SHANK2: variants seen among roughly 807,000 people sequenced by gnomAD.
The protein encoded by SHANK2 is SH3 and multiple ankyrin repeat domains 2.
SHANK2 carries 43 observed loss-of-function variants against 133.7 expected under a neutral mutation model. That is an observed-to-expected ratio of 0.32 (90% CI 0.25 to 0.41). The LOEUF is 0.41. Among genes scored for constraint, SHANK2 ranks in the 10% least tolerant of loss-of-function variants. SHANK2 has a pLI of 1.00. For synonymous variants in SHANK2, 1,017 were observed against 952.8 expected (o/e 1.07, Z -1.24); for missense variants, 1,994 against 2,235.8 (o/e 0.89, Z 2.18).
intron 6 of SHANK2, among the ~76,000 whole-genome samples, chr11:71,104,560 C>A (rs1565453371): frequency 6.6e-6 from 1 of 152,164 alleles, no homozygotes; most frequent in South Asian, 2.1e-4. Context: ...TTAGCTTGTC[C>A]CCACTGATAC....
intron 14 of SHANK2, among the ~76,000 whole-genome samples, chr11:70,731,718 T>G (rs1591794896): frequency 6.6e-6 from 1 of 152,248 alleles, no homozygotes. Flanking sequence ...TGAACATCTG[T>G]GCACAGGGAC....
intron 11 of SHANK2, among the ~76,000 whole-genome samples, chr11:70,827,360 T>A (rs1321098173): frequency 6.6e-6 from 1 of 151,786 alleles, no homozygotes; most frequent in African/African-American, 2.4e-5. Context: ...AAGCGAGCTC[T>A]TCAGGGTCAC....
chr11:71,076,325 C>A (rs892085661), intron 8 of SHANK2, among the ~76,000 whole-genome samples: 2 of 151,962 alleles, frequency 1.3e-5, no homozygotes, highest in African/African-American at 4.8e-5. Context: ...CCATGGTAGC[C>A]CAGGAAGGGG....
intron 3 of SHANK2, among the ~76,000 whole-genome samples, chr11:71,136,766 T>C (rs1952447410): frequency 6.6e-6 from 1 of 152,102 alleles, no homozygotes; most frequent in South Asian, 2.1e-4. Flanking sequence ...GGGGTGGGGA[T>C]CCACTGCAAC....
At chr11:70,949,217 C>T (rs145117220) in intron 10 of SHANK2, among the ~76,000 whole-genome samples, 2 of 152,346 alleles carry the variant, frequency 1.3e-5, no homozygotes, top group Non-Finnish European at 2.9e-5. Flanking sequence ...AGCTGATACT[C>T]CCTCATTCAG....
intron 11 of SHANK2, among the ~76,000 whole-genome samples, chr11:70,860,404 C>A (rs1234410016): frequency 6.6e-6 from 1 of 152,150 alleles, no homozygotes; most frequent in African/African-American, 2.4e-5. Context: ...TTATGTAACC[C>A]CAAGAAAGAA....
intron 2 of SHANK2, among the ~76,000 whole-genome samples, chr11:71,166,565 C>T (rs1468659146): frequency 6.6e-6 from 1 of 150,740 alleles, no homozygotes; most frequent in Non-Finnish European, 1.5e-5. Flanking sequence ...ATTGCAACCT[C>T]CACCTCCCAA....
chr11:71,072,478 G>C (rs1297593446), intron 9 of SHANK2, among the ~76,000 whole-genome samples: 1 of 152,186 alleles, frequency 6.6e-6, no homozygotes, highest in Non-Finnish European at 1.5e-5. Flanking sequence ...TCTCACACTT[G>C]GTCTTACAGG....
intron 17 of SHANK2, among the ~76,000 whole-genome samples, chr11:70,534,654 G>A (rs1041352889): frequency 5.9e-5 from 9 of 152,186 alleles, no homozygotes; most frequent in Non-Finnish European, 8.8e-5. Context: ...ATGCCAGCTG[G>A]ATGAAAGAAT....
chr11:70,606,299 C>T lies in SHANK2; in HGVS notation c.2061+53529G>A, dbSNP rs570930198. 3.4e-4 allele frequency among the ~76,000 whole-genome samples: 52 copies of T among 152,172 alleles called. No homozygotes were observed. The South Asian group carries it at 0.01, about 30-fold the overall frequency. Reference sequence around the variant, plus strand: ...AGGCTTGGTTGCTCCTGCCTTTGATCCCAATGCTATGGGAGGCTGAGGTGG... The same window carrying T: ...AGGCTTGGTTGCTCCTGCCTTTGATTCCAATGCTATGGGAGGCTGAGGTGG... On this transcript the variant is annotated intron_variant, in intron 17 of 25. Coordinates refer to ENST00000601538, the MANE Select transcript of SHANK2 (RefSeq NM_012309.5).
chr11:70,716,328 G>A (rs1469877572), intron 14 of SHANK2, among the ~76,000 whole-genome samples: 23 of 152,246 alleles, frequency 1.5e-4, no homozygotes, highest in Admixed American at 1.4e-3. Context: ...AGCAGAGCCT[G>A]GATTTAAATC....
chr11:70,577,572 C>T (rs1208887558), intron 17 of SHANK2, among the ~76,000 whole-genome samples: 2 of 152,226 alleles, frequency 1.3e-5, no homozygotes, highest in Non-Finnish European at 2.9e-5. Context: ...ACTCCTTTTG[C>T]AGGGGAATCA....
intron 2 of SHANK2, among the ~76,000 whole-genome samples, chr11:71,198,800 G>C (rs536258295): frequency 2.8e-4 from 42 of 152,322 alleles, no homozygotes; most frequent in African/African-American, 9.9e-4. Context: ...GTTGTGAGGC[G>C]GCGGGGTCTT....
At chr11:70,651,357 C>T (rs17203005) in intron 17 of SHANK2, among the ~76,000 whole-genome samples, 6,923 of 152,260 alleles carry the variant, frequency 0.045, 198 homozygotes, top group Middle Eastern at 0.071. Flanking sequence ...ATTCCTGGGC[C>T]ACTCCTCAGC....
intron 11 of SHANK2, among the ~76,000 whole-genome samples, chr11:70,888,984 T>C (rs535168813): frequency 6.6e-6 from 1 of 152,186 alleles, no homozygotes; most frequent in East Asian, 1.9e-4. Flanking sequence ...CTTGAAGAGG[T>C]AACAGCCTGA....
At chr11:70,517,602 C>G (rs2059281102) in intron 17 of SHANK2, among the ~76,000 whole-genome samples, 1 of 152,124 alleles carries the variant, frequency 6.6e-6, no homozygotes, top group Non-Finnish European at 1.5e-5. Context: ...GTGAAAGAAG[C>G]CAATCTGAAA....
At chr11:70,768,425 G>A (rs1449675214) in intron 14 of SHANK2, among the ~76,000 whole-genome samples, 1 of 152,214 alleles carries the variant, frequency 6.6e-6, no homozygotes, top group Non-Finnish European at 1.5e-5. Context: ...AGAAAAGGAT[G>A]AGGTGAGGAA....
intron 1 of SHANK2, among the ~76,000 whole-genome samples, chr11:71,241,483 A>G (rs527814864): frequency 6.6e-6 from 1 of 152,350 alleles, no homozygotes; most frequent in East Asian, 1.9e-4. Context: ...TGAGATCAGC[A>G]AATGACCCAT....
chr11:70,500,698 G>A lies in SHANK2; in HGVS notation c.2288-108C>T. On this transcript the variant is annotated intron_variant, in intron 20 of 25. Coordinates refer to ENST00000601538, the MANE Select transcript of SHANK2 (RefSeq NM_012309.5). This position sits in a 1 kb window ranked among gnomAD's most constrained non-coding sequence, Gnocchi z 4.5. Reference sequence around the variant, plus strand: ...GGCGCCTCAGGAGCAGGCTGGGCCGGCAATGGGGCGGCAGGCAGGGGCTGT... The same window carrying A: ...GGCGCCTCAGGAGCAGGCTGGGCCGACAATGGGGCGGCAGGCAGGGGCTGT... The A allele has an allele frequency of 7.0e-7, 1 of 1,437,028 alleles. No individual in the cohort carries two copies. Among genetic ancestry groups the A allele is most frequent in the Non-Finnish European group, 9.6e-7 (1 of 1,042,230 alleles). 89.0% of individuals were successfully genotyped at this position (1,437,028 alleles called of 1,614,324 possible).
Sources: gnomAD v4.1 joint callset for allele counts (sites outside exome capture counted in the v4.1 genomes callset) on GRCh38, gnomAD v4.1.1 for gene constraint, Gnocchi (gnomAD v3.1) non-coding constraint, MANE v1.5 for transcripts, NCBI Gene and HGNC (gene_info 2026-07-23, HGNC 2026-07-21) for gene names.